The following LRRK2 variants were observed in gnomAD, a reference collection of about 807,000 sequenced individuals.
The protein encoded by LRRK2 is leucine-rich repeat serine/threonine-protein kinase 2.
LRRK2 carries 203 observed loss-of-function variants against 302.6 expected under a neutral mutation model. That is an observed-to-expected ratio of 0.67 (90% CI 0.60 to 0.75). The LOEUF (loss-of-function observed/expected upper bound fraction) is 0.75. LRRK2 is among the 30% of genes least tolerant of loss of function. The pLI is 0.00. For missense variants in LRRK2, 2,830 were observed against 2,951.0 expected (o/e 0.96, Z 0.95); for synonymous variants, 1,066 against 1,031.9 (o/e 1.03, Z -0.63).
intron 18 of LRRK2, among the ~76,000 whole-genome samples, chr12:40,279,983 C>A (rs1178549345): frequency 6.6e-6 from 1 of 152,136 alleles, no homozygotes; most frequent in African/African-American, 2.4e-5. Context: ...GAAGGACTAT[C>A]TAGAGCAAGG....
intron 4 of LRRK2, 58 bp downstream of exon 4, chr12:40,235,772 T>A: frequency 1.1e-6 from 1 of 933,690 alleles, no homozygotes. Context: ...TTGATACCAT[T>A]AAGTAAATGT....
chr12:40,289,198 TG>T (rs1230053507), intron 20 of LRRK2, among the ~76,000 whole-genome samples: 1 of 151,788 alleles, frequency 6.6e-6, no homozygotes, highest in Non-Finnish European at 1.5e-5. Flanking sequence ...ATGGAAGCTT[TG>T]TTCTCTTTAA....
At chr12:40,316,271 A>G (rs1258448730) in intron 33 of LRRK2, 3 of 967,888 alleles carry the variant, frequency 3.1e-6, no homozygotes, top group East Asian at 1.1e-4. Context: ...CCTAAATTCC[A>G]TCTAAGGAAA....
In LRRK2 at chr12:40,343,506, AAAAAT is replaced by A. The variant is rs374498403; in HGVS notation, c.6109+3057_6109+3061del. Among the ~76,000 whole-genome samples the A allele has an allele frequency of 2.8e-4, 43 of 152,346 alleles. No homozygotes were observed. In the East Asian group the frequency reaches 5.6e-3, roughly 20 times the overall value. On this transcript the variant is annotated intron_variant, in intron 41 of 50. Transcript: ENST00000298910. ...CTCTACTCATACTTCTCTGAAAGTA[AAAAAT>A]AAAAGATATGTTTCAGTACACAATG...
intron 5 of LRRK2, among the ~76,000 whole-genome samples, chr12:40,238,995 A>G (rs1460626760): frequency 8.5e-5 from 13 of 152,190 alleles, no homozygotes; most frequent in Admixed American, 7.9e-4. Context: ...GGTCCTGCAT[A>G]TTTACAAAGG....
chr12:40,290,087 A>G (rs571123443), intron 20 of LRRK2, among the ~76,000 whole-genome samples: 1 of 152,080 alleles, frequency 6.6e-6, no homozygotes, highest in South Asian at 2.1e-4. Context: ...GCCCTTCATC[A>G]AATTGAAGAA....
In LRRK2 at chr12:40,240,494, C is replaced by A; in HGVS notation, c.583C>A (p.Gln195Lys). The change falls in exon 6 of 51, where the codon CAA becomes AAA. Residue 195 changes from glutamine (Q) to lysine (K), a missense_variant. Gln to Lys is a moderately conservative substitution (Grantham distance 53, BLOSUM62 1). This residue lies in a region of LRRK2 where 2,121 missense variants were observed against 2,148.0 expected (regional missense o/e 0.99). Transcript: ENST00000298910. Reference sequence around the variant, plus strand: ...CTTTCATTTTTAAGTCTCAGAGGAGCAACTGACTGAATTTGTTGAGAACAA... The same window carrying A: ...CTTTCATTTTTAAGTCTCAGAGGAGAAACTGACTGAATTTGTTGAGAACAA... Reference protein sequence around the residue: ...HVLFERVSEEQLTEFVENKDY... With the variant: ...HVLFERVSEEKLTEFVENKDY... 3.1e-6 allele frequency: 5 copies of A among 1,612,680 alleles called. No homozygotes were observed. Among genetic ancestry groups the A allele is most frequent in the Non-Finnish European group, 4.2e-6 (5 of 1,179,180 alleles).
intron 3 of LRRK2, among the ~76,000 whole-genome samples, chr12:40,234,679 C>G (rs969228271): frequency 6.6e-6 from 1 of 151,980 alleles, no homozygotes; most frequent in African/African-American, 2.4e-5. Flanking sequence ...CACCGGCCCA[C>G]TACTTTTTAA....
chr12:40,344,251 C>G (rs1946129829), intron 41 of LRRK2, among the ~76,000 whole-genome samples: 1 of 152,070 alleles, frequency 6.6e-6, no homozygotes. Flanking sequence ...GCCTGTGATT[C>G]CAAATTCTAA....
rs2136623920 is a variant in LRRK2, at chr12:40,277,874, T to G, written c.1942-14T>G. The G allele has an allele frequency of 6.3e-7, 1 of 1,583,372 alleles. No individual in the cohort carries two copies. The highest frequency in any genetic ancestry group is 8.6e-7 in the Non-Finnish European group (1 of 1,164,416). On this transcript the variant is annotated splice_polypyrimidine_tract_variant and intron_variant, in intron 16 of 50. Coordinates refer to ENST00000298910, the MANE Select transcript of LRRK2 (RefSeq NM_198578.4). The stretch of plus-strand genomic sequence containing the variant: ...TAATTGCTTATTTTATTATTTTTTT[T>G]CTTATACTTTTAGGGATTTCAGACA...
At chr12:40,300,734 G>C (rs1944592514) in intron 25 of LRRK2, 3 of 467,340 alleles carry the variant, frequency 6.4e-6, no homozygotes, top group South Asian at 4.7e-5. Context: ...TTGTGATTAA[G>C]TTCAGAGCAC....
In LRRK2 at chr12:40,328,344, A is replaced by G. The variant is rs367543983; in HGVS notation, c.5657-16A>G. On this transcript the variant is annotated splice_polypyrimidine_tract_variant and intron_variant, in intron 38 of 50. Coordinates refer to ENST00000298910, the MANE Select transcript of LRRK2 (RefSeq NM_198578.4). ...GGACAGCTTAATTTAAGTGCTTTGT[A>G]TTTTCTTTTCAAAAGGTGATGGCAG... 1 of 1,606,000 alleles carries G rather than the reference A, an allele frequency of 6.2e-7. No individual in the cohort carries two copies. Among genetic ancestry groups the G allele is most frequent in the African/African-American group, 1.3e-5 (1 of 74,870 alleles).
chr12:40,320,230 T>A, intron 34 of LRRK2, 55 bp downstream of exon 34: 1 of 1,429,734 alleles, frequency 7.0e-7, no homozygotes, highest in Admixed American at 1.7e-5. Flanking sequence ...ATCTATTCTT[T>A]TAATTGTCAA....
At position 40,346,190 on chromosome 12, in the gene LRRK2, T is replaced by C. The variant is rs555870349; in HGVS notation, c.6110-563T>C. Among the ~76,000 whole-genome samples the C allele has an allele frequency of 2.0e-5, 3 of 151,908 alleles. No homozygotes were observed. The South Asian group carries it at 6.2e-4, about 32-fold the overall frequency. On this transcript the variant is annotated intron_variant, in intron 41 of 50. Transcript: ENST00000298910. ...GGCATGAACCCAAGAGAGAAGGCTT[T>C]TTTTTTTGTTTTAGTTGTTGTTTTT... is the stretch of plus-strand genomic sequence containing the variant.
chr12:40,280,423 A>G (rs1943638500), intron 18 of LRRK2, among the ~76,000 whole-genome samples: 2 of 151,854 alleles, frequency 1.3e-5, no homozygotes, highest in South Asian at 4.2e-4. Flanking sequence ...CAGGAGTTCA[A>G]GACCAGCCTG....
intron 3 of LRRK2, 122 bp from the exon 4 acceptor site, chr12:40,235,504 T>G (rs1234843458): frequency 4.3e-6 from 3 of 699,876 alleles, no homozygotes; most frequent in South Asian, 3.1e-5. Context: ...ACACATGAGC[T>G]TCACTACAGG....
chr12:40,311,936 T>G (rs559218348), intron 31 of LRRK2, among the ~76,000 whole-genome samples: 1 of 149,840 alleles, frequency 6.7e-6, no homozygotes, highest in African/African-American at 2.5e-5. Flanking sequence ...ACAAAATTTA[T>G]TCATCCAATT....
At chr12:40,337,680 T>C (rs1945916390) in intron 40 of LRRK2, among the ~76,000 whole-genome samples, 1 of 152,202 alleles carries the variant, frequency 6.6e-6, no homozygotes, top group African/African-American at 2.4e-5. Flanking sequence ...CAGAATTTCT[T>C]TTCTAAAATA....
rs1201527855 is a variant in LRRK2, at chr12:40,257,246, A to T, written c.1289-2A>T. ...TATAAGTAACATTTTAAAAAATCTC[A>T]GTTAATTTCAGAAAAATACTGTTAT... is the stretch of plus-strand genomic sequence containing the variant. On this transcript the variant is annotated splice_acceptor_variant, in intron 11 of 50. Coordinates refer to ENST00000298910, the MANE Select transcript of LRRK2 (RefSeq NM_198578.4). LOFTEE classifies it high-confidence loss of function. 1 of 1,544,450 alleles carries T rather than the reference A, an allele frequency of 6.5e-7. No individual in the cohort carries two copies. Among genetic ancestry groups the T allele is most frequent in the Non-Finnish European group, 8.9e-7 (1 of 1,117,528 alleles).
Sources: allele counts gnomAD v4.1 joint callset (sites outside exome capture counted in the v4.1 genomes callset), GRCh38; gene constraint gnomAD v4.1.1; regional missense constraint gnomAD v4.1.1; transcripts MANE v1.5; gene names NCBI Gene and HGNC (gene_info 2026-07-23, HGNC 2026-07-21).